UBE3C: variants seen among roughly 807,000 people sequenced by gnomAD.
UBE3C encodes the protein ubiquitin-protein ligase E3C.
A neutral mutation model predicts 129.4 loss-of-function variants in UBE3C; 42 were observed. The observed-to-expected ratio is 0.32, with a 90% CI of 0.25 to 0.42. The LOEUF is 0.42. UBE3C is among the 10% of genes least tolerant of loss of function. The pLI is 1.00. For synonymous variants in UBE3C, 510 were observed against 492.4 expected, an observed-to-expected ratio of 1.04 and a Z score of -0.47; for missense variants, 1,049 against 1,319.1, an observed-to-expected ratio of 0.80 and a Z score of 3.17.
chr7:157,170,321 T>C lies in UBE3C; in HGVS notation c.213T>C (p.Ser71=). 6.6e-7 allele frequency: 1 copy of C among 1,520,266 alleles called. No individual in the cohort carries two copies. The highest frequency in any genetic ancestry group is 8.8e-7 in the Non-Finnish European group (1 of 1,138,222). 94.2% of individuals were successfully genotyped at this position (1,520,266 alleles called of 1,614,324 possible). The change falls in exon 4 of 23, where the codon AGT becomes AGC. Residue 71 remains serine, a synonymous_variant. Coordinates refer to ENST00000348165, the MANE Select transcript of UBE3C (RefSeq NM_014671.3). ...DRKQQYSIQR[S]AFDRCATLSQ... ...TCTTCCAGTATTCCATCCAAAGAAG[T>C]GCATTTGATCGCTGTGCTACCTTGT...
chr7:157,199,747 A>G (rs1809227811), intron 10 of UBE3C, among the ~76,000 whole-genome samples: 1 of 152,212 alleles, frequency 6.6e-6, no homozygotes, highest in African/African-American at 2.4e-5. Flanking sequence ...CTGGGATTAC[A>G]GGCGTGATCC....
At chr7:157,141,773 C>G (rs1242986180) in intron 1 of UBE3C, among the ~76,000 whole-genome samples, 2 of 152,192 alleles carry the variant, frequency 1.3e-5, no homozygotes, top group African/African-American at 4.8e-5. Flanking sequence ...AGCCACTCAC[C>G]ACTTGTCGTT....
chr7:157,154,404 T>A (rs113817534), intron 1 of UBE3C, among the ~76,000 whole-genome samples: 16 of 152,284 alleles, frequency 1.1e-4, no homozygotes, highest in Non-Finnish European at 1.8e-4. Flanking sequence ...CACCATTATT[T>A]TCTCAGTATC....
intron 10 of UBE3C, chr7:157,192,965 TTTTGAA>T (rs1413028778): frequency 1.7e-6 from 1 of 597,564 alleles, no homozygotes; most frequent in African/African-American, 1.9e-5. Context: ...AAAGTATGTT[TTTTGAA>T]TCTGTAAATC....
At chr7:157,209,272 G>T (rs916282607) in intron 13 of UBE3C, among the ~76,000 whole-genome samples, 2 of 152,192 alleles carry the variant, frequency 1.3e-5, no homozygotes, top group Non-Finnish European at 2.9e-5. Flanking sequence ...AGGAGCATGA[G>T]CATTAGCAGC....
intron 5 of UBE3C, among the ~76,000 whole-genome samples, chr7:157,176,672 C>T (rs193151031): frequency 5.3e-5 from 8 of 152,288 alleles, no homozygotes; most frequent in East Asian, 3.9e-4. Context: ...CAGTGTGTGA[C>T]AGATGACTTT....
intron 10 of UBE3C, among the ~76,000 whole-genome samples, chr7:157,190,967 CAG>C (rs1491255802): frequency 6.6e-6 from 1 of 152,154 alleles, no homozygotes; most frequent in East Asian, 1.9e-4. Flanking sequence ...GGCATGTTCT[CAG>C]GGGCTTGGCT....
intron 1 of UBE3C, among the ~76,000 whole-genome samples, chr7:157,156,507 A>G (rs1057477076): frequency 2.6e-5 from 4 of 151,510 alleles, no homozygotes; most frequent in South Asian, 2.1e-4. Flanking sequence ...GGGTTTCACT[A>G]CGTTGGCTGG....
chr7:157,262,409 C>CTTTTTTTTTTTTTTTT lies in UBE3C; in HGVS notation c.3082-5164_3082-5149dup, dbSNP rs371300314. Reference sequence around the variant, plus strand: ...AGAATCATGTAAGTCTCTTCATAGGCTTTTTTTTTTTTTTTTTTTTTTTTT... The same window carrying CTTTTTTTTTTTTTTTT: ...AGAATCATGTAAGTCTCTTCATAGGCTTTTTTTTTTTTTTTTTTTTTTTTTTTTTTTTTTTTTTTTT... On this transcript the variant is annotated intron_variant, in intron 22 of 22. Coordinates refer to ENST00000348165, the MANE Select transcript of UBE3C (RefSeq NM_014671.3). Among the ~76,000 whole-genome samples the CTTTTTTTTTTTTTTTT allele has an allele frequency of 2.2e-4, 12 of 54,038 alleles. 5 individuals are homozygous for CTTTTTTTTTTTTTTTT. Among genetic ancestry groups the CTTTTTTTTTTTTTTTT allele is most frequent in the African/African-American group, 7.4e-4 (10 of 13,440 alleles). 35.5% of individuals were successfully genotyped at this position (54,038 alleles called of 152,430 possible). A position where few individuals can be genotyped will look rare whatever the true frequency, so the allele number is the denominator to read the frequency against.
At position 157,269,133 on chromosome 7, in the gene UBE3C, T is replaced by C. The variant is rs1262707594; in HGVS notation, c.*1378T>C. On this transcript the variant is annotated 3_prime_UTR_variant, in exon 23 of 23. Transcript: ENST00000348165. ...TTAAATGCTATTTGTAGTCTTGATA[T>C]ACAGAAATAAAATAATTAGGGTTGG... is the stretch of plus-strand genomic sequence containing the variant. 1 of 152,666 alleles carries C rather than the reference T, an allele frequency of 6.6e-6. No homozygotes were observed. The highest frequency in any genetic ancestry group is 2.4e-5 in the African/African-American group (1 of 41,470). The allele number at this position is 152,666 out of a possible 1,614,324, so 9.5% of individuals were successfully genotyped here. A position where few individuals can be genotyped will look rare whatever the true frequency, so the allele number is the denominator to read the frequency against.
chr7:157,196,140 T>C (rs1809113941), intron 10 of UBE3C, among the ~76,000 whole-genome samples: 1 of 152,140 alleles, frequency 6.6e-6, no homozygotes, highest in Non-Finnish European at 1.5e-5. Context: ...TGCTGGTTTT[T>C]AAGATAGAAG....
chr7:157,175,892 G>C (rs549822995), intron 5 of UBE3C, among the ~76,000 whole-genome samples: 2 of 152,196 alleles, frequency 1.3e-5, no homozygotes, highest in Admixed American at 6.5e-5. Context: ...TAAATGGCGA[G>C]ATAGCAAATA....
At chr7:157,143,423 A>G (rs1341280796) in intron 1 of UBE3C, among the ~76,000 whole-genome samples, 1 of 152,228 alleles carries the variant, frequency 6.6e-6, no homozygotes, top group Non-Finnish European at 1.5e-5. Context: ...ACACCCAGAT[A>G]GCAGGTATCA....
intron 18 of UBE3C, among the ~76,000 whole-genome samples, chr7:157,243,460 C>T (rs934311520): frequency 1.3e-5 from 2 of 152,124 alleles, no homozygotes; most frequent in Non-Finnish European, 2.9e-5. Flanking sequence ...GCTCAGTTAT[C>T]CGTGGTAGAC....
chr7:157,174,488 C>T (rs551320232), intron 4 of UBE3C, among the ~76,000 whole-genome samples: 2 of 152,288 alleles, frequency 1.3e-5, no homozygotes, highest in African/African-American at 2.4e-5. Flanking sequence ...CTCTCTCTCT[C>T]GCCCAGGCAG....
chr7:157,159,003 C>T (rs56058704), intron 1 of UBE3C, among the ~76,000 whole-genome samples: 7,645 of 152,216 alleles, frequency 0.05, 223 homozygotes, highest in Non-Finnish European at 0.071. Flanking sequence ...ATATTAAGTC[C>T]GTTATCAATA....
At chr7:157,214,051 A>T (rs550317836) in intron 13 of UBE3C, among the ~76,000 whole-genome samples, 1 of 151,484 alleles carries the variant, frequency 6.6e-6, no homozygotes, top group African/African-American at 2.4e-5. Flanking sequence ...CCTTAACATA[A>T]CTCCCTTGGC....
chr7:157,207,947 A>G lies in UBE3C; in HGVS notation c.1809+12A>G. On this transcript the variant is annotated intron_variant, in intron 13 of 22. Coordinates refer to ENST00000348165, the MANE Select transcript of UBE3C (RefSeq NM_014671.3). ...TTCAGTTATTTAAGGTATAGAGTAT[A>G]TGTATTTTTTTGTTTACTGACATTG... The G allele has an allele frequency of 6.9e-7, 1 of 1,439,340 alleles. No homozygotes were observed. The highest frequency in any genetic ancestry group is 2.5e-5 in the East Asian group (1 of 39,572). 89.2% of individuals were successfully genotyped at this position (1,439,340 alleles called of 1,614,324 possible).
At position 157,258,605 on chromosome 7, in the gene UBE3C, G is replaced by A. The variant is rs567638264; in HGVS notation, c.3081+1561G>A. On this transcript the variant is annotated intron_variant, in intron 22 of 22. Transcript: ENST00000348165. ...CTCCTGAATAGCTGTGATTACAGGC[G>A]TGCGCCTCCATGCCCGGCTAATTTT... Among the ~76,000 whole-genome samples, 15 of 152,212 alleles carry A rather than the reference G, an allele frequency of 9.9e-5. No individual in the cohort carries two copies. In the East Asian group the frequency reaches 2.1e-3, roughly 22 times the overall value.
Sources: gnomAD v4.1 joint callset for allele counts (sites outside exome capture counted in the v4.1 genomes callset) on GRCh38, gnomAD v4.1.1 for gene constraint, MANE v1.5 for transcripts, NCBI Gene and HGNC (gene_info 2026-07-23, HGNC 2026-07-21) for gene names.